SPTLC3: variants seen among roughly 807,000 people sequenced by gnomAD.
SPTLC3 encodes the protein serine palmitoyltransferase long chain base subunit 3, also known as serine palmitoyltransferase 3.
In SPTLC3, 36 loss-of-function variants were observed where a neutral mutation model predicts 59.3. That is an observed-to-expected ratio of 0.61 (90% CI 0.47 to 0.80). The LOEUF (loss-of-function observed/expected upper bound fraction) is 0.80. Ranked by LOEUF, SPTLC3 falls within the 30% of genes least tolerant of loss-of-function variation. The probability of loss-of-function intolerance (pLI) is 0.00; values close to 1 mark genes in which losing one functional copy is unlikely to be tolerated. For synonymous variants in SPTLC3, 257 were observed against 240.8 expected, an observed-to-expected ratio of 1.07 and a Z score of -0.62; for missense variants, 625 against 685.1, an observed-to-expected ratio of 0.91 and a Z score of 0.98.
intron 6 of SPTLC3, among the ~76,000 whole-genome samples, chr20:13,106,466 TGG>T (rs1989904762): frequency 6.6e-6 from 1 of 152,088 alleles, no homozygotes; most frequent in Non-Finnish European, 1.5e-5. Context: ...GAGAAGAGTT[TGG>T]GTTAAGACTT....
intron 8 of SPTLC3, among the ~76,000 whole-genome samples, chr20:13,120,531 T>G (rs1170623851): frequency 1.3e-5 from 2 of 152,168 alleles, no homozygotes; most frequent in Non-Finnish European, 2.9e-5. Context: ...AACTCTCTTT[T>G]TAAGTGATGT....
intron 11 of SPTLC3, among the ~76,000 whole-genome samples, chr20:13,162,748 C>G (rs570336709): frequency 6.6e-6 from 1 of 152,238 alleles, no homozygotes; most frequent in Admixed American, 6.5e-5. Flanking sequence ...AAATATATAG[C>G]CAGCCAGTGA....
At chr20:13,058,768 C>A (rs1987831478) in intron 2 of SPTLC3, among the ~76,000 whole-genome samples, 1 of 152,208 alleles carries the variant, frequency 6.6e-6, no homozygotes, top group Non-Finnish European at 1.5e-5. Flanking sequence ...TAGCTATAAA[C>A]AAGCTCCCAG....
At chr20:13,103,813 A>T (rs1311642925) in intron 6 of SPTLC3, among the ~76,000 whole-genome samples, 1 of 152,232 alleles carries the variant, frequency 6.6e-6, no homozygotes, top group Non-Finnish European at 1.5e-5. Context: ...GGAAGCCCTG[A>T]TGTATGCAAC....
At chr20:13,092,420 T>G (rs1054102775) in intron 5 of SPTLC3, among the ~76,000 whole-genome samples, 3 of 152,260 alleles carry the variant, frequency 2.0e-5, no homozygotes, top group African/African-American at 2.4e-5. Context: ...TGTATGGTCT[T>G]AGACTGGATT....
chr20:13,110,040 TG>T, intron 6 of SPTLC3, 71 bp from the exon 7 acceptor site: 2 of 1,329,800 alleles, frequency 1.5e-6, no homozygotes, highest in African/African-American at 1.5e-5. Flanking sequence ...ATAAAACATC[TG>T]GAAAAAGAAA....
chr20:13,104,374 C>T (rs183576640), intron 6 of SPTLC3, among the ~76,000 whole-genome samples: 1 of 152,082 alleles, frequency 6.6e-6, no homozygotes, highest in Non-Finnish European at 1.5e-5. Context: ...GAATAAGTCT[C>T]ACGAGATCTA....
intron 10 of SPTLC3, among the ~76,000 whole-genome samples, chr20:13,157,804 G>A (rs79476808): frequency 0.02 from 3,105 of 152,258 alleles, 53 homozygotes; most frequent in Non-Finnish European, 0.029. Context: ...TTTCTTTGTT[G>A]GAAGTTTATA....
chr20:13,158,911 T>C lies in SPTLC3; in HGVS notation c.1416-1092T>C, dbSNP rs2038833987. Among the ~76,000 whole-genome samples the C allele has an allele frequency of 2.6e-5, 4 of 152,250 alleles. No homozygotes were observed. The South Asian group carries it at 8.3e-4, about 32-fold the overall frequency. ...TCCTGAGCTGTGATTGGAATGTTTC[T>C]CTGGTGCTGTCAGCTTCCAGCCTAA... On this transcript the variant is annotated intron_variant, in intron 10 of 11. Coordinates refer to ENST00000399002, the MANE Select transcript of SPTLC3 (RefSeq NM_018327.4).
At chr20:13,108,794 T>C (rs1325751106) in intron 6 of SPTLC3, among the ~76,000 whole-genome samples, 1 of 152,218 alleles carries the variant, frequency 6.6e-6, no homozygotes, top group African/African-American at 2.4e-5. Flanking sequence ...CCCGAACTCC[T>C]GACCTCAAAG....
intron 6 of SPTLC3, among the ~76,000 whole-genome samples, chr20:13,099,024 T>A (rs539007197): frequency 5.8e-4 from 88 of 152,282 alleles, no homozygotes; most frequent in African/African-American, 2.0e-3. Context: ...TCCAAAGACG[T>A]CCATGCCCTC....
chr20:13,075,448 A>G (rs1988612088), intron 4 of SPTLC3, among the ~76,000 whole-genome samples: 1 of 152,260 alleles, frequency 6.6e-6, no homozygotes, highest in Non-Finnish European at 1.5e-5. Context: ...TTTAGAAACT[A>G]TTTAATTATT....
At chr20:13,163,018 T>C (rs777191380) in intron 11 of SPTLC3, among the ~76,000 whole-genome samples, 15 of 152,130 alleles carry the variant, frequency 9.9e-5, no homozygotes, top group Admixed American at 2.6e-4. Flanking sequence ...GCAATACCAA[T>C]ATATTACGTA....
chr20:13,112,417 C>T (rs546674713), intron 7 of SPTLC3, among the ~76,000 whole-genome samples: 1 of 152,186 alleles, frequency 6.6e-6, no homozygotes, highest in African/African-American at 2.4e-5. Flanking sequence ...CAAAGGCTGC[C>T]GGCACTGAGA....
At chr20:13,085,435 G>A (rs534418560) in intron 4 of SPTLC3, among the ~76,000 whole-genome samples, 2 of 152,228 alleles carry the variant, frequency 1.3e-5, no homozygotes, top group East Asian at 3.9e-4. Flanking sequence ...TGGCACAGAT[G>A]TGAACTCATA....
At chr20:13,133,538 A>G (rs548469983) in intron 9 of SPTLC3, among the ~76,000 whole-genome samples, 1 of 152,318 alleles carries the variant, frequency 6.6e-6, no homozygotes, top group African/African-American at 2.4e-5. Flanking sequence ...GTTCGAGACC[A>G]ACCTGGCCAA....
intron 6 of SPTLC3, among the ~76,000 whole-genome samples, chr20:13,096,988 A>G (rs1026077349): frequency 1.3e-5 from 2 of 152,114 alleles, no homozygotes; most frequent in African/African-American, 4.8e-5. Flanking sequence ...CACAAATAAT[A>G]CTGTGGTTGG....
chr20:13,058,880 T>C (rs1987835962), intron 2 of SPTLC3, among the ~76,000 whole-genome samples: 1 of 152,108 alleles, frequency 6.6e-6, no homozygotes, highest in Non-Finnish European at 1.5e-5. Flanking sequence ...TTGACAGACA[T>C]GGAGTTGGAG....
At chr20:13,095,789 C>A (rs1989390026) in intron 6 of SPTLC3, among the ~76,000 whole-genome samples, 1 of 152,120 alleles carries the variant, frequency 6.6e-6, no homozygotes, top group East Asian at 1.9e-4. Flanking sequence ...CAGACACCTG[C>A]CATATTAATT....
Sources: gnomAD v4.1 joint callset for allele counts (sites outside exome capture counted in the v4.1 genomes callset) on GRCh38, gnomAD v4.1.1 for gene constraint, MANE v1.5 for transcripts, NCBI Gene and HGNC (gene_info 2026-07-23, HGNC 2026-07-21) for gene names.